Variants in MRRF observed in about 807,000 individuals in gnomAD.
The protein encoded by MRRF is ribosome-recycling factor, mitochondrial.
In MRRF, 18 loss-of-function variants were observed where a neutral mutation model predicts 25.1. That is an observed-to-expected ratio of 0.72 (90% CI 0.50 to 1.06). The LOEUF (loss-of-function observed/expected upper bound fraction) is 1.06, where lower values mean the gene tolerates loss of function less well. Among genes scored for constraint, MRRF ranks in the 50% least tolerant of loss-of-function variants. The pLI, the probability that MRRF is intolerant of heterozygous loss-of-function variation, is 0.00. For synonymous variants in MRRF, 113 were observed against 112.1 expected, an observed-to-expected ratio of 1.01 and a Z score of -0.05; for missense variants, 323 against 319.3, an observed-to-expected ratio of 1.01 and a Z score of -0.09.
intron 2 of MRRF, among the ~76,000 whole-genome samples, chr9:122,279,107 G>A (rs1235577076): frequency 1.3e-5 from 2 of 152,102 alleles, no homozygotes; most frequent in Admixed American, 6.5e-5. Flanking sequence ...TCCTGACCTC[G>A]TGATCTGCCT....
chr9:122,271,539 GT>G (rs1832458742), intron 2 of MRRF, among the ~76,000 whole-genome samples: 1 of 152,196 alleles, frequency 6.6e-6, no homozygotes, highest in Non-Finnish European at 1.5e-5. Context: ...TGTACTGCAG[GT>G]CTCAGCTTAA....
intron 2 of MRRF, among the ~76,000 whole-genome samples, chr9:122,276,697 G>A (rs1025184393): frequency 6.6e-6 from 1 of 152,162 alleles, no homozygotes; most frequent in Non-Finnish European, 1.5e-5. Flanking sequence ...TTCATAGAAG[G>A]TCCAAGTGTG....
chr9:122,281,466 A>G (rs1049186636), intron 3 of MRRF, among the ~76,000 whole-genome samples: 1 of 152,214 alleles, frequency 6.6e-6, no homozygotes, highest in Non-Finnish European at 1.5e-5. Flanking sequence ...TATAAACACT[A>G]TCAGAAACAT....
chr9:122,324,548 G>C lies in MRRF; in HGVS notation c.*1931G>C, dbSNP rs935516909. ...TGGGAAAGATATGACCCCTGTTTTG[G>C]GGGGGTACATAGTGCACTGAACTAA... On this transcript the variant is annotated 3_prime_UTR_variant, in exon 7 of 7. Transcript: ENST00000344641. 3.3e-5 allele frequency: 5 copies of C among 152,160 alleles called. No individual in the cohort carries two copies. Among genetic ancestry groups the C allele is most frequent in the East Asian group, 1.9e-4 (1 of 5,196 alleles). The allele number at this position is 152,160 out of a possible 1,614,324, so 9.4% of individuals were successfully genotyped here. A position where few individuals can be genotyped will look rare whatever the true frequency, so the allele number is the denominator to read the frequency against.
At chr9:122,285,424 G>A (rs1479299159) in intron 4 of MRRF, 137 bp downstream of exon 4, 5 of 760,650 alleles carry the variant, frequency 6.6e-6, no homozygotes, top group African/African-American at 3.4e-5. Context: ...TAAGGATAAG[G>A]CAAAGCTCTT....
intron 5 of MRRF, among the ~76,000 whole-genome samples, chr9:122,305,911 AAC>A (rs1834812099): frequency 6.6e-6 from 1 of 152,200 alleles, no homozygotes; most frequent in South Asian, 2.1e-4. Context: ...TTGTTTCTGG[AAC>A]ATTGTGCCAA....
At chr9:122,302,404 A>G (rs1834531039) in intron 5 of MRRF, among the ~76,000 whole-genome samples, 1 of 152,070 alleles carries the variant, frequency 6.6e-6, no homozygotes. Context: ...CCACTTTTCT[A>G]TCTCTGTGGG....
intron 1 of MRRF, among the ~76,000 whole-genome samples, chr9:122,266,586 T>C (rs150520492): frequency 1.3e-5 from 2 of 152,338 alleles, no homozygotes; most frequent in East Asian, 1.9e-4. Flanking sequence ...GAAAGTATTT[T>C]ATATGCAAGA....
chr9:122,271,188 A>C, intron 2 of MRRF, 113 bp downstream of exon 2: 2 of 919,954 alleles, frequency 2.2e-6, no homozygotes, highest in Non-Finnish European at 3.6e-6. Flanking sequence ...TAACATGAGG[A>C]AATGGTGCCT....
intron 3 of MRRF, among the ~76,000 whole-genome samples, chr9:122,284,725 T>G (rs1427402325): frequency 1.3e-5 from 2 of 152,208 alleles, no homozygotes; most frequent in African/African-American, 4.8e-5. Context: ...GCTGTTCCTG[T>G]GAAAGCCCCT....
intron 5 of MRRF, among the ~76,000 whole-genome samples, chr9:122,307,605 C>T (rs1032341675): frequency 1.3e-5 from 2 of 152,168 alleles, no homozygotes; most frequent in Admixed American, 6.5e-5. Flanking sequence ...ATTGACAGCA[C>T]GCCAAGTACT....
At chr9:122,294,406 T>C (rs1158773333) in intron 5 of MRRF, among the ~76,000 whole-genome samples, 4 of 152,232 alleles carry the variant, frequency 2.6e-5, no homozygotes, top group Non-Finnish European at 5.9e-5. Flanking sequence ...TTTCCAAAGA[T>C]AAGAGGATCT....
intron 3 of MRRF, among the ~76,000 whole-genome samples, chr9:122,284,145 G>A (rs1434871905): frequency 6.6e-6 from 1 of 152,160 alleles, no homozygotes; most frequent in East Asian, 1.9e-4. Context: ...CACAGGCTCC[G>A]AAGCCTCTGC....
chr9:122,270,050 A>T (rs374036668), intron 1 of MRRF, among the ~76,000 whole-genome samples: 1 of 152,186 alleles, frequency 6.6e-6, no homozygotes, highest in African/African-American at 2.4e-5. Flanking sequence ...TTAAAAAAAA[A>T]AATAAGGTGT....
In MRRF at chr9:122,280,459, G is replaced by A. The variant is rs775916306; in HGVS notation, c.201G>A (p.Gln67=). The stretch of plus-strand genomic sequence containing the variant: ...ACTTTTTAGCCAAAGGGAAAGGACA[G>A]TCCCAAACCAGAGTGAATATTAATG... ...TKKAKAKGKG[Q]SQTRVNINAA... Residue 67 remains glutamine, a synonymous_variant, in exon 3 of 7, where the codon CAG becomes CAA. Transcript: ENST00000344641. 1 of 1,614,148 alleles carries A rather than the reference G, an allele frequency of 6.2e-7. No homozygotes were observed. The highest frequency in any genetic ancestry group is 8.5e-7 in the Non-Finnish European group (1 of 1,179,974).
chr9:122,316,947 ACT>A (rs1309956218), intron 6 of MRRF, among the ~76,000 whole-genome samples: 2 of 149,082 alleles, frequency 1.3e-5, no homozygotes, highest in East Asian at 3.9e-4. Flanking sequence ...GTCTTGAAAA[ACT>A]CTTTGTAAAA....
intron 5 of MRRF, among the ~76,000 whole-genome samples, chr9:122,311,773 TTC>T (rs1273486884): frequency 8.5e-5 from 13 of 152,248 alleles, no homozygotes; most frequent in African/African-American, 3.1e-4. Flanking sequence ...CTTCAGTATG[TTC>T]TTTTTGGAGA....
intron 1 of MRRF, among the ~76,000 whole-genome samples, chr9:122,265,957 A>T (rs576045286): frequency 6.6e-6 from 1 of 152,366 alleles, no homozygotes; most frequent in South Asian, 2.1e-4. Context: ...ATCATCTACT[A>T]TCTCTAAGCA....
At chr9:122,291,550 A>T (rs1833769168) in intron 4 of MRRF, among the ~76,000 whole-genome samples, 199 bp from the exon 5 acceptor site, 1 of 152,100 alleles carries the variant, frequency 6.6e-6, no homozygotes, top group Non-Finnish European at 1.5e-5. Context: ...CTCCTGCAGT[A>T]CAGTGGTACC....
Sources: allele counts gnomAD v4.1 joint callset (sites outside exome capture counted in the v4.1 genomes callset), GRCh38; gene constraint gnomAD v4.1.1; transcripts MANE v1.5; gene names NCBI Gene and HGNC (gene_info 2026-07-23, HGNC 2026-07-21).